Variants in JAZF1 observed in about 807,000 individuals in gnomAD.
The protein encoded by JAZF1 is JAZF zinc finger 1.
In JAZF1, 8 loss-of-function variants were observed where a neutral mutation model predicts 26.4. That is an observed-to-expected ratio of 0.30 (90% CI 0.18 to 0.55). The LOEUF (loss-of-function observed/expected upper bound fraction) is 0.55. JAZF1 is among the 20% of genes least tolerant of loss of function. The pLI, the probability that JAZF1 is intolerant of heterozygous loss-of-function variation, is 0.94. For synonymous variants in JAZF1, 126 were observed against 122.3 expected, an observed-to-expected ratio of 1.03 and a Z score of -0.20; for missense variants, 199 against 322.0, an observed-to-expected ratio of 0.62 and a Z score of 2.92.
intron 1 of JAZF1, among the ~76,000 whole-genome samples, chr7:28,119,608 C>G (rs1784804830): frequency 6.6e-6 from 1 of 152,204 alleles, no homozygotes; most frequent in Non-Finnish European, 1.5e-5. Context: ...CTTTATTCCT[C>G]TATTTACAAT....
intron 3 of JAZF1, among the ~76,000 whole-genome samples, chr7:27,872,365 A>G (rs1038633284): frequency 6.6e-6 from 1 of 152,256 alleles, no homozygotes; most frequent in East Asian, 1.9e-4. Flanking sequence ...AAAAGAGTAA[A>G]TAAGTAAATA....
At chr7:28,107,830 C>T (rs1238257441) in intron 1 of JAZF1, among the ~76,000 whole-genome samples, 1 of 152,182 alleles carries the variant, frequency 6.6e-6, no homozygotes, top group Non-Finnish European at 1.5e-5. Flanking sequence ...ACAGACCCTA[C>T]GATGGACCTA....
At chr7:27,837,711 G>A (rs1329746894) in intron 4 of JAZF1, among the ~76,000 whole-genome samples, 1 of 152,114 alleles carries the variant, frequency 6.6e-6, no homozygotes, top group African/African-American at 2.4e-5. Flanking sequence ...GATACTGAGG[G>A]AGAGAGGAAG....
At chr7:28,070,037 G>A (rs918863971) in intron 1 of JAZF1, among the ~76,000 whole-genome samples, 4 of 152,074 alleles carry the variant, frequency 2.6e-5, no homozygotes, top group South Asian at 2.1e-4. Flanking sequence ...TTTGTAAAAC[G>A]TCTTCAGATG....
chr7:27,831,564 A>G lies in JAZF1; in HGVS notation c.*1236T>C. On this transcript the variant is annotated 3_prime_UTR_variant, in exon 5 of 5. Coordinates refer to ENST00000283928, the MANE Select transcript of JAZF1 (RefSeq NM_175061.4). ...GTCGTATTAGTCATGCTTTTCTTTG[A>G]CCACCTGCTGCAAGAAGCACTTAAT... 1 of 227,390 alleles carries G rather than the reference A, an allele frequency of 4.4e-6. No individual in the cohort carries two copies. The highest frequency in any genetic ancestry group is 6.3e-5 in the East Asian group (1 of 15,856). 14.1% of individuals were successfully genotyped at this position (227,390 alleles called of 1,614,324 possible). A position where few individuals can be genotyped will look rare whatever the true frequency, so the allele number is the denominator to read the frequency against.
intron 3 of JAZF1, among the ~76,000 whole-genome samples, chr7:27,854,438 T>A (rs541129029): frequency 6.6e-6 from 1 of 152,370 alleles, no homozygotes; most frequent in East Asian, 1.9e-4. Flanking sequence ...TTTTGCTTGT[T>A]AGTTGATGTA....
chr7:28,049,937 G>A (rs536124308), intron 1 of JAZF1, among the ~76,000 whole-genome samples: 4 of 152,006 alleles, frequency 2.6e-5, no homozygotes, highest in Non-Finnish European at 5.9e-5. Context: ...TCATCACATC[G>A]GCATGATTGA....
intron 3 of JAZF1, among the ~76,000 whole-genome samples, chr7:27,870,232 G>C (rs73083377): frequency 0.076 from 11,519 of 151,856 alleles, 638 homozygotes; most frequent in Middle Eastern, 0.12. Context: ...GCCCCTAACT[G>C]CATTTAGAAA....
intron 1 of JAZF1, among the ~76,000 whole-genome samples, chr7:28,093,197 A>C (rs1408423360): frequency 6.6e-6 from 1 of 152,200 alleles, no homozygotes; most frequent in African/African-American, 2.4e-5. Flanking sequence ...TTGTAGCTCC[A>C]TAATTCCCAC....
At chr7:28,137,718 C>T (rs759836288) in intron 1 of JAZF1, among the ~76,000 whole-genome samples, 3 of 152,156 alleles carry the variant, frequency 2.0e-5, no homozygotes, top group Non-Finnish European at 4.4e-5. Flanking sequence ...TGGTGTCTGC[C>T]GTGCAGCCAG....
chr7:28,149,191 C>T (rs1249203286), intron 1 of JAZF1, among the ~76,000 whole-genome samples: 1 of 152,168 alleles, frequency 6.6e-6, no homozygotes, highest in East Asian at 1.9e-4. Flanking sequence ...ACAGCCTCCT[C>T]TCCTCAAGCA....
At chr7:28,100,846 C>T (rs957343253) in intron 1 of JAZF1, among the ~76,000 whole-genome samples, 3 of 151,382 alleles carry the variant, frequency 2.0e-5, no homozygotes, top group Non-Finnish European at 4.4e-5. Context: ...ATGGGGCCAC[C>T]AAGAAATAGG....
At chr7:28,006,633 C>T (rs1363042053) in intron 1 of JAZF1, among the ~76,000 whole-genome samples, 1 of 152,070 alleles carries the variant, frequency 6.6e-6, no homozygotes, top group African/African-American at 2.4e-5. Flanking sequence ...ATCTCCTGAC[C>T]CACCCCACTT....
intron 1 of JAZF1, among the ~76,000 whole-genome samples, chr7:28,141,092 G>C (rs115633114): frequency 1.3e-5 from 2 of 152,144 alleles, no homozygotes; most frequent in Non-Finnish European, 2.9e-5. Flanking sequence ...ATTTGGAGTA[G>C]AACAAAATTT....
intron 1 of JAZF1, among the ~76,000 whole-genome samples, chr7:28,038,792 A>C (rs1289043245): frequency 6.6e-6 from 1 of 152,204 alleles, no homozygotes; most frequent in Non-Finnish European, 1.5e-5. Context: ...AAAAGATACA[A>C]ATTTATTTAA....
intron 1 of JAZF1, among the ~76,000 whole-genome samples, chr7:27,997,720 A>G (rs1042803597): frequency 6.6e-6 from 1 of 150,620 alleles, no homozygotes; most frequent in Non-Finnish European, 1.5e-5. Context: ...GGTGTGCACC[A>G]CCATAGCTGA....
intron 1 of JAZF1, among the ~76,000 whole-genome samples, chr7:28,159,433 AGGACC>A (rs1562607330): frequency 6.6e-6 from 1 of 151,942 alleles, no homozygotes; most frequent in East Asian, 1.9e-4. Flanking sequence ...TCAGGAGAGG[AGGACC>A]GTGAGTGGGT....
At position 28,166,039 on chromosome 7, in the gene JAZF1, G is replaced by T. The variant is rs1374978092; in HGVS notation, c.115+14424C>A. On this transcript the variant is annotated intron_variant, in intron 1 of 4. Transcript: ENST00000283928. Reference sequence around the variant, plus strand: ...ATTACTTATTAAATCAGCCTGTTTTGTTAGACAAAATCTTTCAAGAAATAG... The same window carrying T: ...ATTACTTATTAAATCAGCCTGTTTTTTTAGACAAAATCTTTCAAGAAATAG... Among the ~76,000 whole-genome samples the T allele has an allele frequency of 2.6e-5, 4 of 152,000 alleles. No homozygotes were observed. The East Asian group carries it at 7.7e-4, about 29-fold the overall frequency.
intron 2 of JAZF1, among the ~76,000 whole-genome samples, chr7:27,935,732 T>C (rs1416260806): frequency 3.9e-5 from 6 of 152,248 alleles, no homozygotes; most frequent in Non-Finnish European, 4.4e-5. Context: ...AGTTGAATAG[T>C]TCTCAATTGC....
Sources: gnomAD v4.1 joint callset for allele counts (sites outside exome capture counted in the v4.1 genomes callset) on GRCh38, gnomAD v4.1.1 for gene constraint, MANE v1.5 for transcripts, NCBI Gene and HGNC (gene_info 2026-07-23, HGNC 2026-07-21) for gene names.